Variants in CYSTM1 observed in about 807,000 individuals in gnomAD.
CYSTM1 encodes cysteine-rich transmembrane module-containing protein 1.
CYSTM1 carries 4 observed loss-of-function variants against 13.1 expected under a neutral mutation model. The ratio of observed to expected loss-of-function variants is 0.31; its 90% CI spans 0.15 to 0.70. The LOEUF (loss-of-function observed/expected upper bound fraction) is 0.70. CYSTM1 is among the 30% of genes least tolerant of loss of function. The pLI, the probability that CYSTM1 is intolerant of heterozygous loss-of-function variation, is 0.72. For synonymous variants in CYSTM1, 36 were observed against 42.7 expected (o/e 0.84, Z 0.62); for missense variants, 96 against 121.6 (o/e 0.79, Z 0.99).
intron 2 of CYSTM1, among the ~76,000 whole-genome samples, chr5:140,221,193 G>A (rs1257857839): frequency 6.6e-6 from 1 of 152,156 alleles, no homozygotes; most frequent in Non-Finnish European, 1.5e-5. Context: ...AAAAAATAAT[G>A]CAGGTTTTTA....
intron 1 of CYSTM1, among the ~76,000 whole-genome samples, chr5:140,178,659 G>A (rs548804996): frequency 3.3e-5 from 5 of 151,708 alleles, no homozygotes; most frequent in African/African-American, 1.2e-4. Context: ...GGAGTGCAGT[G>A]GTGTAATCGC....
chr5:140,243,272 C>T, intron 2 of CYSTM1, 33 bp from the exon 3 acceptor site: 1 of 1,591,352 alleles, frequency 6.3e-7, no homozygotes, highest in South Asian at 1.1e-5. Context: ...TTGCACCAGT[C>T]CATTCTCACC....
chr5:140,200,616 A>G, intron 2 of CYSTM1: 1 of 125,616 alleles, frequency 8.0e-6, no homozygotes, highest in African/African-American at 3.1e-5. Context: ...GCTGGAGTGC[A>G]GTGGCACAAT....
In CYSTM1 at chr5:140,178,441, C is replaced by CTTTTTTTTTTTT. The variant is rs577709524; in HGVS notation, c.-21+3170_-21+3181dup. The stretch of plus-strand genomic sequence containing the variant: ...TGGAAAAGCCCTATTCAAGTCCTTC[C>CTTTTTTTTTTTT]TTTTTTTTTTTTTTTTTTTTTTTTT... On this transcript the variant is annotated intron_variant, in intron 1 of 2. Transcript: ENST00000261811. 1.4e-3 allele frequency among the ~76,000 whole-genome samples: 75 copies of CTTTTTTTTTTTT among 52,666 alleles called. 6 individuals carry two copies. Among genetic ancestry groups the CTTTTTTTTTTTT allele is most frequent in the African/African-American group, 5.2e-3 (61 of 11,822 alleles). 34.6% of individuals were successfully genotyped at this position (52,666 alleles called of 152,430 possible).
intron 1 of CYSTM1, among the ~76,000 whole-genome samples, chr5:140,178,251 C>G (rs1763916264): frequency 6.6e-6 from 1 of 151,990 alleles, no homozygotes; most frequent in African/African-American, 2.4e-5. Flanking sequence ...TTTCTTTGAC[C>G]TTGAATGCGG....
At chr5:140,187,121 A>G (rs559882374) in intron 1 of CYSTM1, among the ~76,000 whole-genome samples, 22 of 152,034 alleles carry the variant, frequency 1.4e-4, no homozygotes, top group African/African-American at 2.4e-4. Flanking sequence ...GTGAAACTCT[A>G]TCTCAAAAAA....
At chr5:140,238,812 CCTT>C (rs1561484836) in intron 2 of CYSTM1, among the ~76,000 whole-genome samples, 2 of 152,244 alleles carry the variant, frequency 1.3e-5, no homozygotes, top group African/African-American at 4.8e-5. Context: ...TGGTTGGCCT[CCTT>C]CTGTCGGTCT....
intron 2 of CYSTM1, among the ~76,000 whole-genome samples, chr5:140,212,955 G>A (rs1764385619): frequency 7.5e-6 from 1 of 132,926 alleles, no homozygotes; most frequent in African/African-American, 2.6e-5. Context: ...ACAACAGAGT[G>A]AGACTCTGTC....
At chr5:140,236,980 T>G (rs1397098107) in intron 2 of CYSTM1, among the ~76,000 whole-genome samples, 2 of 152,226 alleles carry the variant, frequency 1.3e-5, no homozygotes, top group Non-Finnish European at 2.9e-5. Context: ...CATCCAGCAC[T>G]GGAGCTGAGT....
chr5:140,204,906 C>T lies in CYSTM1; in HGVS notation c.187+10254C>T, dbSNP rs1466817833. On this transcript the variant is annotated intron_variant, in intron 2 of 2. Coordinates refer to ENST00000261811, the MANE Select transcript of CYSTM1 (RefSeq NM_032412.4). ...GCCCTTGTCACTTTCCCTTAGAGAC[C>T]CTTCCCTTGCTATTTTAACTCCCAT... Among the ~76,000 whole-genome samples, 4 of 152,110 alleles carry T rather than the reference C, an allele frequency of 2.6e-5. No homozygotes were observed. In the South Asian group the frequency reaches 8.3e-4, roughly 32 times the overall value.
chr5:140,179,133 G>T (rs572043372), intron 1 of CYSTM1, among the ~76,000 whole-genome samples: 1 of 151,736 alleles, frequency 6.6e-6, no homozygotes, highest in South Asian at 2.1e-4. Flanking sequence ...TGTGGTATGT[G>T]CCTGTAATCC....
At chr5:140,210,164 C>T (rs536502589) in intron 2 of CYSTM1, among the ~76,000 whole-genome samples, 23 of 152,256 alleles carry the variant, frequency 1.5e-4, no homozygotes, top group African/African-American at 5.5e-4. Flanking sequence ...CTTGTTTATA[C>T]GCACATGTCA....
intron 2 of CYSTM1, chr5:140,200,389 A>T (rs2126659555): frequency 6.6e-6 from 1 of 152,116 alleles, no homozygotes; most frequent in Admixed American, 6.5e-5. Context: ...TCCTTTCCCC[A>T]TTGCTTGTTT....
intron 2 of CYSTM1, among the ~76,000 whole-genome samples, chr5:140,199,398 G>T (rs1484266415): frequency 2.0e-5 from 3 of 152,186 alleles, no homozygotes; most frequent in Non-Finnish European, 4.4e-5. Context: ...TTCCACAATG[G>T]TTAAACTAAT....
At chr5:140,216,147 A>G (rs993530378) in intron 2 of CYSTM1, among the ~76,000 whole-genome samples, 28 of 152,102 alleles carry the variant, frequency 1.8e-4, no homozygotes, top group African/African-American at 6.8e-4. Context: ...GTCTCAAAAA[A>G]AAAAAGTTTG....
rs1764602011 is a variant in CYSTM1, at chr5:140,230,014, GCA to G, written c.188-13290_188-13289del. On this transcript the variant is annotated intron_variant, in intron 2 of 2. Transcript: ENST00000261811. This position sits in a 1 kb window ranked among gnomAD's most constrained non-coding sequence, Gnocchi z 4.1. ...GCCTCCCAAGTAGCTGGAACTACAG[GCA>G]TGCACCACCATGCCCAGCTAATTTT... Among the ~76,000 whole-genome samples, 1 of 152,208 alleles carries G rather than the reference GCA, an allele frequency of 6.6e-6. No individual in the cohort carries two copies. The highest frequency in any genetic ancestry group is 1.5e-5 in the Non-Finnish European group (1 of 68,042).
intron 2 of CYSTM1, among the ~76,000 whole-genome samples, chr5:140,224,847 T>C (rs1764530242): frequency 6.6e-6 from 1 of 152,164 alleles, no homozygotes; most frequent in Non-Finnish European, 1.5e-5. Context: ...TAAGGAGTTG[T>C]CTATGCTATG....
intron 2 of CYSTM1, among the ~76,000 whole-genome samples, chr5:140,195,590 T>C (rs373934299): frequency 1.2e-4 from 18 of 151,580 alleles, no homozygotes; most frequent in Non-Finnish European, 2.4e-4. Context: ...TACAGGCGCC[T>C]GCCACCACGC....
At chr5:140,207,338 C>G (rs920610688) in intron 2 of CYSTM1, among the ~76,000 whole-genome samples, 2 of 152,140 alleles carry the variant, frequency 1.3e-5, no homozygotes, top group African/African-American at 2.4e-5. Flanking sequence ...TTTCCCCTAC[C>G]CCAGAGAGGG....
Sources: gnomAD v4.1 joint callset for allele counts (sites outside exome capture counted in the v4.1 genomes callset) on GRCh38, gnomAD v4.1.1 for gene constraint, Gnocchi (gnomAD v3.1) non-coding constraint, MANE v1.5 for transcripts, NCBI Gene and HGNC (gene_info 2026-07-23, HGNC 2026-07-21) for gene names.